The following TRMT11 variants were observed in gnomAD, a reference collection of about 807,000 sequenced individuals.
TRMT11 encodes tRNA methyltransferase 11.
Under a neutral mutation model 62.8 loss-of-function variants are expected in TRMT11, and 53 were observed. That is an observed-to-expected ratio of 0.84 (90% CI 0.68 to 1.06). The LOEUF is 1.06. TRMT11 is among the 50% of genes least tolerant of loss of function. TRMT11 has a pLI of 0.00. For missense variants in TRMT11, 556 were observed against 553.4 expected (o/e 1.00, Z -0.05); for synonymous variants, 188 against 190.3 (o/e 0.99, Z 0.10).
At chr6:125,989,041 T>C (rs1396996754) in intron 1 of TRMT11, among the ~76,000 whole-genome samples, 1 of 151,384 alleles carries the variant, frequency 6.6e-6, no homozygotes, top group Admixed American at 6.6e-5. Context: ...GGGAGGGAGG[T>C]TGAAGTGGTG....
At chr6:126,103,476 G>T (rs923908443) in intron 17 of TRMT11, among the ~76,000 whole-genome samples, 1 of 152,194 alleles carries the variant, frequency 6.6e-6, no homozygotes, top group African/African-American at 2.4e-5. Flanking sequence ...TAGGTCAGGT[G>T]TTGGGCATGT....
chr6:126,266,648 G>A, the TRMT11 span, among the ~76,000 whole-genome samples: 1 of 152,056 alleles, frequency 6.6e-6, no homozygotes, highest in African/African-American at 2.4e-5. Context: ...CAAATGAGGT[G>A]CAAAACCTCC....
At chr6:126,172,594 A>T (rs1554244612), upstream of TRMT11, among the ~76,000 whole-genome samples, 5 of 151,326 alleles carry the variant, frequency 3.3e-5, no homozygotes, top group Non-Finnish European at 7.4e-5. Flanking sequence ...CTTCAAGTGT[A>T]TTTTTTTTTC....
the TRMT11 span, among the ~76,000 whole-genome samples, chr6:126,266,918 C>T: frequency 6.6e-6 from 1 of 152,158 alleles, no homozygotes; most frequent in African/African-American, 2.4e-5. Context: ...TTGTCCTCTT[C>T]CTCCTTAACC....
intron 17 of TRMT11, among the ~76,000 whole-genome samples, chr6:126,102,444 A>T (rs1450092232): frequency 6.6e-6 from 1 of 151,902 alleles, no homozygotes; most frequent in African/African-American, 2.4e-5. Flanking sequence ...CTCGTCGTTG[A>T]AAAAACACAA....
intron 17 of TRMT11, among the ~76,000 whole-genome samples, chr6:126,059,045 C>CTTTTTTTT (rs1036996695): frequency 2.3e-5 from 3 of 128,120 alleles, no homozygotes; most frequent in African/African-American, 6.4e-5. Flanking sequence ...CTCTACTTAT[C>CTTTTTTTT]TTTTTTTTTT....
chr6:126,268,214 G>A, the TRMT11 span, among the ~76,000 whole-genome samples: 75 of 152,268 alleles, frequency 4.9e-4, 3 homozygotes, highest in South Asian at 0.015. Flanking sequence ...GAAGAAGAGA[G>A]CTATCGCCTG....
chr6:126,180,004 C>T (rs1414100889), intron 1 of TRMT11, among the ~76,000 whole-genome samples: 1 of 151,820 alleles, frequency 6.6e-6, no homozygotes, highest in Non-Finnish European at 1.5e-5. Context: ...TATTTGTAAA[C>T]TATAATAAAT....
In TRMT11 at chr6:126,015,817, G is replaced by T. The variant is rs184541563; in HGVS notation, c.1139+2716G>T. On this transcript the variant is annotated intron_variant, in intron 11 of 12. Coordinates refer to ENST00000334379, the MANE Select transcript of TRMT11 (RefSeq NM_001031712.3). The stretch of plus-strand genomic sequence containing the variant: ...TATCTCTTGTGTCCTTGGAAGTTTT[G>T]TAGAGGACATGGCTTATATTCTGAG... Among the ~76,000 whole-genome samples, 676 of 152,252 alleles carry T rather than the reference G, an allele frequency of 4.4e-3. 6 individuals carry two copies. Among genetic ancestry groups the T allele is most frequent in the African/African-American group, 0.015 (625 of 41,536 alleles).
At chr6:126,224,409 G>C in the TRMT11 span, among the ~76,000 whole-genome samples, 1 of 152,146 alleles carries the variant, frequency 6.6e-6, no homozygotes, top group Admixed American at 6.5e-5. Context: ...TGATTTCAGG[G>C]GGCTAAGGCT....
At chr6:125,994,670 C>T (rs1370663735) in intron 2 of TRMT11, among the ~76,000 whole-genome samples, 1 of 152,136 alleles carries the variant, frequency 6.6e-6, no homozygotes, top group Non-Finnish European at 1.5e-5. Flanking sequence ...ATGTTCATTG[C>T]AGCACTATTC....
At chr6:126,010,214 G>A (rs1793971455) in intron 8 of TRMT11, among the ~76,000 whole-genome samples, 1 of 151,804 alleles carries the variant, frequency 6.6e-6, no homozygotes, top group African/African-American at 2.4e-5. Flanking sequence ...GCTAACAAAG[G>A]CCACAGATTT....
intron 1 of TRMT11, among the ~76,000 whole-genome samples, chr6:126,193,480 G>A (rs1236053241): frequency 2.1e-5 from 3 of 141,862 alleles, no homozygotes; most frequent in Admixed American, 2.1e-4. Flanking sequence ...TTTAAGAGGA[G>A]CGTTTCTGTA....
the TRMT11 span, among the ~76,000 whole-genome samples, chr6:126,241,626 G>A: frequency 1.6e-4 from 25 of 152,226 alleles, no homozygotes; most frequent in African/African-American, 4.6e-4. Context: ...CCTGGGATGC[G>A]AAGCTGGTTC....
intron 17 of TRMT11, among the ~76,000 whole-genome samples, chr6:126,109,642 C>T (rs1777507902): frequency 6.6e-6 from 1 of 152,096 alleles, no homozygotes; most frequent in Non-Finnish European, 1.5e-5. Context: ...AAATCAAGTC[C>T]ATTGCTTAAG....
intron 16 of TRMT11, among the ~76,000 whole-genome samples, chr6:126,048,784 T>G (rs541278985): frequency 1.7e-4 from 26 of 152,288 alleles, no homozygotes; most frequent in African/African-American, 5.8e-4. Flanking sequence ...CATGGGGTGT[T>G]GTCTCCACTA....
At chr6:126,214,414 C>T in the TRMT11 span, among the ~76,000 whole-genome samples, 3 of 151,944 alleles carry the variant, frequency 2.0e-5, 1 homozygote, top group Admixed American at 2.0e-4. Context: ...AATCTTGTTG[C>T]TTGTTATTAA....
intron 8 of TRMT11, among the ~76,000 whole-genome samples, chr6:126,011,038 T>C (rs1408110421): frequency 6.6e-6 from 1 of 152,160 alleles, no homozygotes; most frequent in African/African-American, 2.4e-5. Context: ...TACTTGGAAG[T>C]TGACAGAACA....
At chr6:126,099,017 A>C (rs1777368644) in intron 17 of TRMT11, among the ~76,000 whole-genome samples, 1 of 152,362 alleles carries the variant, frequency 6.6e-6, no homozygotes, top group East Asian at 1.9e-4. Context: ...GGTAGCTGTC[A>C]CATAGGATTA....
Sources: gnomAD v4.1 joint callset for allele counts (sites outside exome capture counted in the v4.1 genomes callset) on GRCh38, gnomAD v4.1.1 for gene constraint, MANE v1.5 for transcripts, NCBI Gene and HGNC (gene_info 2026-07-23, HGNC 2026-07-21) for gene names.